GDA: variants seen among roughly 807,000 people sequenced by gnomAD.
GDA encodes the protein cytoplasmic PSD-95 interactor.
In GDA, 18 loss-of-function variants were observed where a neutral mutation model predicts 59.6. The observed-to-expected ratio is 0.30, with a 90% CI of 0.21 to 0.45. The LOEUF (loss-of-function observed/expected upper bound fraction) is 0.45, where lower values mean the gene tolerates loss of function less well. Ranked by LOEUF, GDA falls within the 20% of genes least tolerant of loss-of-function variation. GDA has a pLI of 1.00. For synonymous variants in GDA, 201 were observed against 201.1 expected (o/e 1.00, Z 0.00); for missense variants, 427 against 552.3 (o/e 0.77, Z 2.27).
At chr9:72,256,471 G>A (rs1840886321), downstream of GDA, among the ~76,000 whole-genome samples, 1 of 152,200 alleles carries the variant, frequency 6.6e-6, no homozygotes. Flanking sequence ...AACTGGTTCT[G>A]TTGGGTACAT....
chr9:72,246,238 C>A (rs1319146534), intron 12 of GDA, among the ~76,000 whole-genome samples: 1 of 152,160 alleles, frequency 6.6e-6, no homozygotes, highest in African/African-American at 2.4e-5. Context: ...ACCACTGCCT[C>A]CTGGGTTCAA....
chr9:72,119,695 A>G (rs1825593991), intron 1 of GDA, among the ~76,000 whole-genome samples: 1 of 152,122 alleles, frequency 6.6e-6, no homozygotes, highest in Non-Finnish European at 1.5e-5. Context: ...TTTTCTTTTA[A>G]GTGAGTGATT....
At chr9:72,194,592 G>A (rs1832931348) in intron 1 of GDA, among the ~76,000 whole-genome samples, 1 of 152,110 alleles carries the variant, frequency 6.6e-6, no homozygotes, top group African/African-American at 2.4e-5. Flanking sequence ...GAGGGGTGAT[G>A]CCAGCACTCC....
chr9:72,145,203 G>A (rs7850131), upstream of GDA, among the ~76,000 whole-genome samples: 2 of 152,154 alleles, frequency 1.3e-5, no homozygotes, highest in Admixed American at 6.5e-5. Context: ...CTGCAGGCTA[G>A]ATCTGAGTGT....
intron 3 of GDA, among the ~76,000 whole-genome samples, chr9:72,209,606 C>G (rs952301550): frequency 1.4e-4 from 22 of 151,982 alleles, no homozygotes; most frequent in African/African-American, 5.3e-4. Context: ...ATTCTTTCTC[C>G]CCCTCCTTAT....
intron 3 of GDA, among the ~76,000 whole-genome samples, chr9:72,207,966 G>C (rs1411207375): frequency 6.6e-6 from 1 of 152,060 alleles, no homozygotes; most frequent in Non-Finnish European, 1.5e-5. Context: ...GCTAGGCATG[G>C]TGGCATGCAT....
chr9:72,137,533 A>G (rs1478316446), intron 1 of GDA, among the ~76,000 whole-genome samples: 1 of 152,056 alleles, frequency 6.6e-6, no homozygotes, highest in Non-Finnish European at 1.5e-5. Flanking sequence ...AGCGTGAGCC[A>G]CCGTGCCTGG....
In GDA at chr9:72,251,030, T is replaced by A; in HGVS notation, c.*2688T>A. On this transcript the variant is annotated 3_prime_UTR_variant, in exon 14 of 14. Coordinates refer to ENST00000358399, the MANE Select transcript of GDA (RefSeq NM_004293.5). ...GGAGACTGTTCCCTAATTTATTCTC[T>A]TGGCTGGTTCTCTCATTGAATTATC... 1.8e-6 allele frequency: 1 copy of A among 545,618 alleles called. No individual in the cohort carries two copies. The highest frequency in any genetic ancestry group is 3.2e-6 in the Non-Finnish European group (1 of 307,942). The allele number at this position is 545,618 out of a possible 1,614,324, so 33.8% of individuals were successfully genotyped here. A position where few individuals can be genotyped will look rare whatever the true frequency, so the allele number is the denominator to read the frequency against.
chr9:72,123,032 G>C (rs556992158), intron 1 of GDA, among the ~76,000 whole-genome samples: 4 of 151,992 alleles, frequency 2.6e-5, no homozygotes, highest in East Asian at 1.9e-4. Context: ...GCACCTTCTC[G>C]ATCTCACCAA....
At chr9:72,163,003 G>C (rs1343847446) in intron 1 of GDA, among the ~76,000 whole-genome samples, 1 of 152,206 alleles carries the variant, frequency 6.6e-6, no homozygotes, top group Non-Finnish European at 1.5e-5. Flanking sequence ...TAATTTCAGA[G>C]TAAGGAGCAG....
At position 72,136,063 on chromosome 9, in the gene GDA, A is replaced by G. The variant is rs558241420; in HGVS notation, c.-100+21230A>G. 7.9e-5 allele frequency among the ~76,000 whole-genome samples: 12 copies of G among 152,290 alleles called. No homozygotes were observed. In the Middle Eastern group the frequency reaches 0.014, roughly 173 times the overall value. On this transcript the variant is annotated intron_variant, in intron 1 of 13. Coordinates refer to the GDA transcript ENST00000545168. ...TTTCAGACTTAAACTCAATTATTTA[A>G]GTAGAAAACTTTACATAAAGCCATA... is the stretch of plus-strand genomic sequence containing the variant.
At chr9:72,195,836 A>C (rs1833113062) in intron 2 of GDA, among the ~76,000 whole-genome samples, 2 of 152,182 alleles carry the variant, frequency 1.3e-5, no homozygotes, top group Admixed American at 1.3e-4. Flanking sequence ...TGAGCATGCT[A>C]TGTGCAGTAC....
chr9:72,174,798 A>G (rs1455823254), intron 1 of GDA, among the ~76,000 whole-genome samples: 1 of 152,098 alleles, frequency 6.6e-6, no homozygotes, highest in East Asian at 1.9e-4. Context: ...ACAGACAGAG[A>G]CAGAGAGACA....
chr9:72,242,680 G>A (rs1209724492), intron 11 of GDA, among the ~76,000 whole-genome samples: 1 of 151,988 alleles, frequency 6.6e-6, no homozygotes. Flanking sequence ...TTTTGTTTTT[G>A]TTTTGTTTTG....
intron 1 of GDA, among the ~76,000 whole-genome samples, chr9:72,180,952 C>T (rs1308812825): frequency 1.3e-5 from 2 of 152,132 alleles, no homozygotes; most frequent in Non-Finnish European, 2.9e-5. Flanking sequence ...ATTGTGTTTC[C>T]TCATTGCCTT....
At position 72,247,521 on chromosome 9, in the gene GDA, C is replaced by T. The variant is rs1840279911; in HGVS notation, c.1294+88C>T. Reference sequence around the variant, plus strand: ...GTATGGCTCTATGTATTTATCCTACCATATATTAAACTCTGTGGATGATAA... The same window carrying T: ...GTATGGCTCTATGTATTTATCCTACTATATATTAAACTCTGTGGATGATAA... On this transcript the variant is annotated intron_variant, in intron 13 of 13. Transcript: ENST00000358399. 4 of 736,206 alleles carry T rather than the reference C, an allele frequency of 5.4e-6. No individual in the cohort carries two copies. The South Asian group carries it at 6.5e-5, about 12-fold the overall frequency. 45.6% of individuals were successfully genotyped at this position (736,206 alleles called of 1,614,324 possible). A position where few individuals can be genotyped will look rare whatever the true frequency, so the allele number is the denominator to read the frequency against.
chr9:72,144,576 A>T (rs1435085828), upstream of GDA, among the ~76,000 whole-genome samples: 3 of 152,208 alleles, frequency 2.0e-5, no homozygotes, highest in African/African-American at 7.2e-5. Context: ...TTGTTAAGTG[A>T]ACAAACTGTT....
At position 72,213,947 on chromosome 9, in the gene GDA, A is replaced by T; in HGVS notation, c.534A>T (p.Pro178=). 1 of 1,611,416 alleles carries T rather than the reference A, an allele frequency of 6.2e-7. No individual in the cohort carries two copies. The highest frequency in any genetic ancestry group is 8.5e-7 in the Non-Finnish European group (1 of 1,177,522). The change falls in exon 5 of 14, where the codon CCA becomes CCT. Residue 178 remains proline (P), a synonymous_variant. Transcript: ENST00000358399. The stretch of plus-strand genomic sequence containing the variant: ...GCATGGATTTGAATGACACTTTTCC[A>T]GAATACAAGGAGACCACTGAGGAAT... The part of the protein sequence containing the change: ...KVCMDLNDTF[P]EYKETTEESI...
chr9:72,190,600 T>G (rs889890029), intron 1 of GDA, among the ~76,000 whole-genome samples: 1 of 152,226 alleles, frequency 6.6e-6, no homozygotes, highest in Non-Finnish European at 1.5e-5. Context: ...AAGTTATCGC[T>G]CATTTTAGAC....
Sources: gnomAD v4.1 joint callset for allele counts (sites outside exome capture counted in the v4.1 genomes callset) on GRCh38, gnomAD v4.1.1 for gene constraint, MANE v1.5 for transcripts, NCBI Gene and HGNC (gene_info 2026-07-23, HGNC 2026-07-21) for gene names.